The following DLC1 variants were observed in gnomAD, a reference collection of about 807,000 sequenced individuals.
DLC1 encodes rho GTPase-activating protein 7.
A neutral mutation model predicts 140.3 loss-of-function variants in DLC1; 54 were observed. The ratio of observed to expected loss-of-function variants is 0.38; its 90% CI spans 0.31 to 0.48. The LOEUF is 0.48. Among genes scored for constraint, DLC1 ranks in the 20% least tolerant of loss-of-function variants. The pLI is 0.96. For missense variants in DLC1, 2,536 were observed against 1,907.0 expected (o/e 1.33, Z -6.14); for synonymous variants, 986 against 728.1 (o/e 1.35, Z -5.70).
chr8:13,508,054 T>A (rs1052730291), intron 1 of DLC1, among the ~76,000 whole-genome samples: 1 of 152,236 alleles, frequency 6.6e-6, no homozygotes, highest in Admixed American at 6.5e-5. Flanking sequence ...CCACTAGAAG[T>A]CAGCTCATGA....
chr8:13,170,898 C>G (rs191434508), intron 5 of DLC1, among the ~76,000 whole-genome samples: 1 of 152,198 alleles, frequency 6.6e-6, no homozygotes, highest in East Asian at 1.9e-4. Flanking sequence ...GGTAGTTAGC[C>G]TAAAGGTCTA....
intron 4 of DLC1, among the ~76,000 whole-genome samples, chr8:13,311,506 A>G (rs956768025): frequency 6.6e-6 from 1 of 152,256 alleles, no homozygotes; most frequent in African/African-American, 2.4e-5. Flanking sequence ...ATAAATGCAC[A>G]CACAATTATC....
At chr8:13,219,382 A>C (rs1320044581) in intron 5 of DLC1, among the ~76,000 whole-genome samples, 10 of 46,796 alleles carry the variant, frequency 2.1e-4, no homozygotes, top group Admixed American at 1.5e-3. Flanking sequence ...TTATATAATT[A>C]TATTTCATAT....
intron 5 of DLC1, among the ~76,000 whole-genome samples, chr8:13,225,798 G>A (rs1462933104): frequency 3.3e-5 from 5 of 151,948 alleles, no homozygotes; most frequent in Non-Finnish European, 1.5e-5. Context: ...TGTATTTTTA[G>A]TAGAGATGGG....
chr8:13,586,589 G>GCACACACACA (rs3066494), intron 1 of DLC1, among the ~76,000 whole-genome samples: 1,930 of 143,008 alleles, frequency 0.013, 24 homozygotes, highest in South Asian at 0.024. Context: ...AGATGCACAT[G>GCACACACACA]CACACACACA....
chr8:13,098,609 A>G, intron 9 of DLC1, 34 bp from the exon 10 acceptor site: 1 of 1,584,096 alleles, frequency 6.3e-7, no homozygotes, highest in Non-Finnish European at 8.6e-7. Flanking sequence ...ATGAGTGTGA[A>G]GCCTTTTTAT....
At chr8:13,552,235 A>G (rs1253210546) in intron 1 of DLC1, among the ~76,000 whole-genome samples, 1 of 146,786 alleles carries the variant, frequency 6.8e-6, no homozygotes, top group African/African-American at 2.5e-5. Context: ...AGATATATAT[A>G]TATATACCCC....
At chr8:13,552,111 G>GTGTA (rs1279225632) in intron 1 of DLC1, among the ~76,000 whole-genome samples, 1 of 54,534 alleles carries the variant, frequency 1.8e-5, no homozygotes, top group Non-Finnish European at 3.3e-5. Context: ...GTCTAGAGGT[G>GTGTA]TATATATATA....
At chr8:13,410,559 TG>T (rs1837739113) in intron 2 of DLC1, among the ~76,000 whole-genome samples, 1 of 151,194 alleles carries the variant, frequency 6.6e-6, no homozygotes. Flanking sequence ...ATTTAAAAAA[TG>T]GAATAGGAGG....
chr8:13,410,500 G>A (rs923368543), intron 2 of DLC1, among the ~76,000 whole-genome samples: 1 of 151,922 alleles, frequency 6.6e-6, no homozygotes, highest in African/African-American at 2.4e-5. Flanking sequence ...CAAAGAATTT[G>A]GCTTAACAAA....
chr8:13,100,577 T>C lies in DLC1; in HGVS notation c.1760A>G (p.Glu587Gly). Residue 587 changes from glutamate to glycine, a missense_variant, in exon 9 of 18, where the codon GAG becomes GGG. Physicochemically the swap from Glu to Gly is moderately conservative, Grantham distance 98 (BLOSUM62 -2). Transcript: ENST00000276297. The stretch of plus-strand genomic sequence containing the variant: ...GCGGACGGAAGACACCTCCTGGCGC[T>C]CGCTGAGGTCCATCAGCGTGCCTCC... ...SPGGTLMDLS[E>G]RQEVSSVRSL... 6.2e-7 allele frequency: 1 copy of C among 1,613,648 alleles called. No individual in the cohort carries two copies. Among genetic ancestry groups the C allele is most frequent in the Non-Finnish European group, 8.5e-7 (1 of 1,179,856 alleles).
chr8:13,409,833 G>C (rs1008732390), intron 2 of DLC1, among the ~76,000 whole-genome samples: 6 of 152,082 alleles, frequency 3.9e-5, no homozygotes, highest in African/African-American at 1.4e-4. Context: ...TATAGCTTTG[G>C]ACACTTCTAC....
chr8:13,157,149 C>T (rs941340863), intron 5 of DLC1, among the ~76,000 whole-genome samples: 1 of 152,186 alleles, frequency 6.6e-6, no homozygotes, highest in Non-Finnish European at 1.5e-5. Flanking sequence ...TACTTCTCTG[C>T]ACCATAACTT....
intron 1 of DLC1, among the ~76,000 whole-genome samples, chr8:13,602,844 C>T (rs565977801): frequency 1.3e-5 from 2 of 151,876 alleles, no homozygotes; most frequent in Non-Finnish European, 2.9e-5. Flanking sequence ...TCCCACGTTA[C>T]TTAAAAAGAG....
chr8:13,502,261 A>G (rs1801852544), intron 1 of DLC1, among the ~76,000 whole-genome samples: 1 of 152,192 alleles, frequency 6.6e-6, no homozygotes, highest in African/African-American at 2.4e-5. Context: ...AGAGACTATA[A>G]ATAAGATAAA....
chr8:13,604,609 T>A (rs1027000199), upstream of DLC1: 3 of 152,162 alleles, frequency 2.0e-5, no homozygotes, highest in African/African-American at 7.2e-5. Context: ...TGTCTGATAA[T>A]CATGAGTGAG....
chr8:13,562,706 C>G (rs923724065), intron 1 of DLC1, among the ~76,000 whole-genome samples: 1 of 152,084 alleles, frequency 6.6e-6, no homozygotes, highest in African/African-American at 2.4e-5. Flanking sequence ...ATAGTAATCT[C>G]ATTCCTAAAA....
chr8:13,101,999 T>G (rs1052986467), intron 8 of DLC1, among the ~76,000 whole-genome samples: 1 of 152,188 alleles, frequency 6.6e-6, no homozygotes, highest in African/African-American at 2.4e-5. Context: ...CTTCTAGGAC[T>G]CTTCTGCATA....
chr8:13,100,912 T>G, intron 8 of DLC1, 142 bp from the exon 9 acceptor site: 1 of 842,548 alleles, frequency 1.2e-6, no homozygotes, highest in African/African-American at 1.8e-5. Context: ...AAGTTTTTTT[T>G]TTTTTTTTTT....
Sources: allele counts gnomAD v4.1 joint callset (sites outside exome capture counted in the v4.1 genomes callset), GRCh38; gene constraint gnomAD v4.1.1; transcripts MANE v1.5; gene names NCBI Gene and HGNC (gene_info 2026-07-23, HGNC 2026-07-21).